The following CACNA2D1 variants were observed in gnomAD, a reference collection of about 807,000 sequenced individuals.
CACNA2D1 encodes the protein calcium voltage-gated channel auxiliary subunit alpha2delta 1.
CACNA2D1 carries 53 observed loss-of-function variants against 171.5 expected under a neutral mutation model. The ratio of observed to expected loss-of-function variants is 0.31; its 90% CI spans 0.25 to 0.39. The LOEUF is 0.39. Among genes scored for constraint, CACNA2D1 ranks in the 10% least tolerant of loss-of-function variants. CACNA2D1 has a pLI of 1.00. For missense variants in CACNA2D1, 903 were observed against 1,299.8 expected (o/e 0.69, Z 4.69); for synonymous variants, 442 against 443.1 (o/e 1.00, Z 0.03).
At chr7:82,110,176 C>T (rs1365581245) in intron 6 of CACNA2D1, among the ~76,000 whole-genome samples, 1 of 152,112 alleles carries the variant, frequency 6.6e-6, no homozygotes, top group Non-Finnish European at 1.5e-5. Flanking sequence ...GAAAACATCC[C>T]GCAGCTTTCC....
chr7:82,043,448 GAAATA>G (rs918616010), intron 10 of CACNA2D1, among the ~76,000 whole-genome samples: 2 of 152,136 alleles, frequency 1.3e-5, no homozygotes, highest in African/African-American at 2.4e-5. Flanking sequence ...TATTGAGCTT[GAAATA>G]AAGTTCACTA....
At chr7:81,967,690 A>G in intron 29 of CACNA2D1, 27 bp from the exon 30 acceptor site, 1 of 1,073,314 alleles carries the variant, frequency 9.3e-7, no homozygotes, top group Non-Finnish European at 1.4e-6. Context: ...AATTAATTCA[A>G]AGGTATAATT....
intron 4 of CACNA2D1, among the ~76,000 whole-genome samples, chr7:82,154,473 G>T (rs1444965207): frequency 6.6e-6 from 1 of 152,098 alleles, no homozygotes; most frequent in Non-Finnish European, 1.5e-5. Flanking sequence ...AGGGCCTGTT[G>T]TGTGGTGGGG....
At chr7:81,997,381 T>C (rs1250921711) in intron 18 of CACNA2D1, 131 bp from the exon 19 acceptor site, 2 of 514,520 alleles carry the variant, frequency 3.9e-6, no homozygotes, top group Non-Finnish European at 7.0e-6. Context: ...AAAGGTATCT[T>C]CTTTCATATA....
chr7:82,077,550 T>G (rs1461824832), intron 7 of CACNA2D1, among the ~76,000 whole-genome samples: 1 of 152,170 alleles, frequency 6.6e-6, no homozygotes, highest in Non-Finnish European at 1.5e-5. Context: ...CTGATTGACA[T>G]GAGTAAAAAC....
chr7:82,076,420 AC>A (rs1026619737), intron 7 of CACNA2D1, among the ~76,000 whole-genome samples: 1 of 152,078 alleles, frequency 6.6e-6, no homozygotes, highest in Non-Finnish European at 1.5e-5. Context: ...CAAAATAAGA[AC>A]TTTTGATTTT....
chr7:82,217,335 G>A (rs1160945179), intron 3 of CACNA2D1, among the ~76,000 whole-genome samples: 1 of 101,948 alleles, frequency 9.8e-6, no homozygotes, highest in African/African-American at 3.4e-5. Context: ...GATGTCTGTT[G>A]CATCCTGCCT....
At position 82,013,533 on chromosome 7, in the gene CACNA2D1, T is replaced by A. The variant is rs753968198; in HGVS notation, c.1223-23A>T. The A allele has an allele frequency of 8.4e-6, 7 of 835,306 alleles. No individual in the cohort carries two copies. In the African/African-American group the frequency reaches 1.3e-4, roughly 15 times the overall value. 51.7% of individuals were successfully genotyped at this position (835,306 alleles called of 1,614,324 possible). Reference sequence around the variant, plus strand: ...AACCTGAAATATACATATATGTTTTTATACATAAATGTTACTTTATAATAA... The same window carrying A: ...AACCTGAAATATACATATATGTTTTAATACATAAATGTTACTTTATAATAA... On this transcript the variant is annotated intron_variant, in intron 13 of 38. Transcript: ENST00000356860.
At chr7:82,154,368 G>C (rs10954665) in intron 4 of CACNA2D1, among the ~76,000 whole-genome samples, 1 of 152,178 alleles carries the variant, frequency 6.6e-6, no homozygotes, top group South Asian at 2.1e-4. Flanking sequence ...TGGCACTCAA[G>C]TTTCCTTCCA....
chr7:82,139,685 G>A (rs1792116204), intron 4 of CACNA2D1, among the ~76,000 whole-genome samples: 1 of 151,710 alleles, frequency 6.6e-6, no homozygotes, highest in Admixed American at 6.6e-5. Flanking sequence ...TAAGTAAACT[G>A]AAGAAACAAA....
intron 9 of CACNA2D1, 24 bp from the exon 10 acceptor site, chr7:82,060,551 T>G (rs372364190): frequency 7.6e-7 from 1 of 1,308,988 alleles, no homozygotes; most frequent in Non-Finnish European, 1.1e-6. Flanking sequence ...AATGGGTCCA[T>G]ACATGTTACT....
intron 5 of CACNA2D1, among the ~76,000 whole-genome samples, chr7:82,127,684 G>C (rs1212308078): frequency 6.6e-6 from 1 of 152,126 alleles, no homozygotes; most frequent in Non-Finnish European, 1.5e-5. Flanking sequence ...GGTTTAAAGA[G>C]AGTTATTATT....
intron 10 of CACNA2D1, among the ~76,000 whole-genome samples, chr7:82,054,403 A>G (rs1476949673): frequency 6.6e-6 from 1 of 152,200 alleles, no homozygotes; most frequent in African/African-American, 2.4e-5. Flanking sequence ...CATCAACTTT[A>G]TATACTCCAG....
At position 81,948,066 on chromosome 7, in the gene CACNA2D1, T is replaced by C. The variant is rs1449122265; in HGVS notation, c.*2326A>G. The C allele has an allele frequency of 6.6e-6, 1 of 151,846 alleles. No homozygotes were observed. The highest frequency in any genetic ancestry group is 1.5e-5 in the Non-Finnish European group (1 of 67,816). The allele number at this position is 151,846 out of a possible 1,614,324, so 9.4% of individuals were successfully genotyped here. ...GAAAACATATACTCGACATTAGCCATGAAAATATATTTAATAGATTTTGAA... is the reference window on the plus strand; with the variant it reads ...GAAAACATATACTCGACATTAGCCACGAAAATATATTTAATAGATTTTGAA... On this transcript the variant is annotated 3_prime_UTR_variant, in exon 39 of 39. Coordinates refer to ENST00000356860, the MANE Select transcript of CACNA2D1 (RefSeq NM_000722.4).
chr7:82,311,623 T>A (rs938667038), intron 3 of CACNA2D1, among the ~76,000 whole-genome samples: 4 of 152,228 alleles, frequency 2.6e-5, no homozygotes, highest in Non-Finnish European at 4.4e-5. Context: ...TTTACCTTTC[T>A]ACTGCTCTCT....
chr7:82,284,103 G>T (rs1810465157), intron 3 of CACNA2D1, among the ~76,000 whole-genome samples: 1 of 151,302 alleles, frequency 6.6e-6, no homozygotes. Context: ...GCTGAGGCAG[G>T]AAGATCACTT....
intron 3 of CACNA2D1, among the ~76,000 whole-genome samples, chr7:82,218,103 C>T (rs1490619506): frequency 1.3e-5 from 2 of 151,436 alleles, no homozygotes; most frequent in Non-Finnish European, 2.9e-5. Context: ...CCCGGCTAAT[C>T]TTTTGTATTT....
At chr7:82,106,513 G>A (rs1787779640) in intron 6 of CACNA2D1, among the ~76,000 whole-genome samples, 1 of 150,364 alleles carries the variant, frequency 6.7e-6, no homozygotes, top group Admixed American at 6.6e-5. Context: ...TTCCCTCTGG[G>A]TTTCCTTTTA....
intron 4 of CACNA2D1, among the ~76,000 whole-genome samples, chr7:82,143,447 G>C (rs1207426511): frequency 6.6e-6 from 1 of 152,064 alleles, no homozygotes; most frequent in Non-Finnish European, 1.5e-5. Flanking sequence ...ACTTATACAT[G>C]AAGTAAATTA....
Sources: allele counts gnomAD v4.1 joint callset (sites outside exome capture counted in the v4.1 genomes callset), GRCh38; gene constraint gnomAD v4.1.1; transcripts MANE v1.5; gene names NCBI Gene and HGNC (gene_info 2026-07-23, HGNC 2026-07-21).